NBAS: variants seen among roughly 807,000 people sequenced by gnomAD.
NBAS encodes the protein NBAS subunit of NRZ tethering complex, also known as NAG/BC035112 fusion.
In NBAS, 219 loss-of-function variants were observed where a neutral mutation model predicts 302.5. The ratio of observed to expected loss-of-function variants is 0.72; its 90% confidence interval spans 0.65 to 0.81. The LOEUF is 0.81. NBAS is among the 30% of genes least tolerant of loss of function. NBAS has a pLI of 0.00. For synonymous variants in NBAS, 1,118 were observed against 1,021.6 expected (o/e 1.09, Z -1.80); for missense variants, 2,932 against 2,841.6 (o/e 1.03, Z -0.72).
At chr2:15,477,541 C>T (rs560870740) in intron 13 of NBAS, among the ~76,000 whole-genome samples, 33 of 152,256 alleles carry the variant, frequency 2.2e-4, no homozygotes, top group African/African-American at 7.2e-4. Context: ...CAAGAGCCAC[C>T]GCGCCCGGCA....
the NBAS span, among the ~76,000 whole-genome samples, chr2:14,781,163 G>C: frequency 4.6e-5 from 7 of 152,210 alleles, no homozygotes; most frequent in Admixed American, 2.6e-4. Context: ...ACAGTTAGAA[G>C]ACGTATTTTA....
chr2:15,488,123 A>C (rs538062774), intron 12 of NBAS, among the ~76,000 whole-genome samples: 1 of 152,308 alleles, frequency 6.6e-6, no homozygotes, highest in African/African-American at 2.4e-5. Flanking sequence ...AAAATCTCAA[A>C]CCACCCACCC....
At chr2:14,990,338 C>T in the NBAS span, among the ~76,000 whole-genome samples, 1 of 150,894 alleles carries the variant, frequency 6.6e-6, no homozygotes. Context: ...GCAGGAGAAT[C>T]GATTGAACCT....
chr2:14,787,263 G>T, the NBAS span, among the ~76,000 whole-genome samples: 1 of 152,078 alleles, frequency 6.6e-6, no homozygotes, highest in Non-Finnish European at 1.5e-5. Flanking sequence ...GATGGGTCTT[G>T]ACTCTTTATC....
At chr2:15,448,479 C>G (rs901861048) in intron 21 of NBAS, among the ~76,000 whole-genome samples, 10 of 152,164 alleles carry the variant, frequency 6.6e-5, no homozygotes, top group African/African-American at 2.4e-4. Flanking sequence ...AATAACACAG[C>G]TAGCATGTAC....
At chr2:15,026,462 C>CAAAAAAAAAAAAAAAAAAAAAAAA in the NBAS span, among the ~76,000 whole-genome samples, 1 of 4,532 alleles carries the variant, frequency 2.2e-4, no homozygotes. Flanking sequence ...GACTCCGTCT[C>CAAAAAAAAAAAAAAAAAAAAAAAA]AAAAAAAAAA....
At chr2:14,930,609 C>T in the NBAS span, among the ~76,000 whole-genome samples, 1 of 152,198 alleles carries the variant, frequency 6.6e-6, no homozygotes. Flanking sequence ...AAGCCAGTTA[C>T]AGCCTTGTTG....
At chr2:15,118,480 T>C in the NBAS span, among the ~76,000 whole-genome samples, 1 of 152,204 alleles carries the variant, frequency 6.6e-6, no homozygotes, top group Non-Finnish European at 1.5e-5. Context: ...ACCTTGTATC[T>C]GAGCTGCCCT....
the NBAS span, among the ~76,000 whole-genome samples, chr2:15,112,095 A>C: frequency 6.6e-6 from 1 of 151,456 alleles, no homozygotes. Flanking sequence ...AAGGATAATA[A>C]AAGCACACCA....
chr2:15,464,171 T>C (rs533388944), intron 19 of NBAS, among the ~76,000 whole-genome samples: 3 of 152,308 alleles, frequency 2.0e-5, no homozygotes, highest in South Asian at 4.1e-4. Flanking sequence ...ACAATTCAAA[T>C]AGATAATTAG....
the NBAS span, among the ~76,000 whole-genome samples, chr2:14,812,232 G>T: frequency 6.6e-5 from 10 of 152,286 alleles, no homozygotes; most frequent in African/African-American, 2.4e-4. Flanking sequence ...TTACAAGAAG[G>T]GGCATCACAG....
rs376695482 is a variant in NBAS, at chr2:15,374,639, T to C, written c.3672A>G (p.Glu1224=). ...AAGGCAGGATCTTTACCCCAAATTC[T>C]TCAAGACATCCAACGGCTTGGATAA... ...LDLIQAVGCL[E]EFGVKILPLQ... The change falls in exon 31 of 52, where the codon GAA becomes GAG. Residue 1224 remains glutamate, a synonymous_variant. Transcript: ENST00000281513. The C allele has an allele frequency of 1.3e-5, 21 of 1,613,846 alleles. No homozygotes were observed. Among genetic ancestry groups the C allele is most frequent in the Non-Finnish European group, 1.6e-5 (19 of 1,179,870 alleles).
In NBAS at chr2:15,467,745, G is replaced by C; in HGVS notation, c.1937C>G (p.Pro646Arg). Reference sequence around the variant, plus strand: ...TTTATTCTTGGCAGGCTCTTCATCAGGTGGTGAAAGCTCTTCATAGGAGAT... The same window carrying C: ...TTTATTCTTGGCAGGCTCTTCATCACGTGGTGAAAGCTCTTCATAGGAGAT... ...DSISYEELSP[P>R]DEEPAKNKKE... Residue 646 changes from proline (P) to arginine (R), a missense_variant, in exon 18 of 52, where the codon CCT (proline) becomes CGT (arginine). Physicochemically the swap from Pro to Arg is moderately radical, Grantham distance 103 (BLOSUM62 -2). Transcript: ENST00000281513. 1 of 1,604,124 alleles carries C rather than the reference G, an allele frequency of 6.2e-7. No individual in the cohort carries two copies. The highest frequency in any genetic ancestry group is 8.5e-7 in the Non-Finnish European group (1 of 1,171,216).
the NBAS span, among the ~76,000 whole-genome samples, chr2:15,147,016 G>A: frequency 6.6e-6 from 1 of 152,172 alleles, no homozygotes; most frequent in Non-Finnish European, 1.5e-5. Context: ...CCTGCCACAG[G>A]TTCTCAGTAA....
the NBAS span, among the ~76,000 whole-genome samples, chr2:15,038,647 G>A: frequency 7.9e-4 from 121 of 152,236 alleles, no homozygotes; most frequent in African/African-American, 2.7e-3. Flanking sequence ...GATGTCAGGT[G>A]GGTTTGCAGA....
At chr2:15,049,478 T>C in the NBAS span, among the ~76,000 whole-genome samples, 1 of 152,176 alleles carries the variant, frequency 6.6e-6, no homozygotes, top group African/African-American at 2.4e-5. Context: ...GGCCTCCTGA[T>C]GTGGCCCTTC....
At chr2:14,802,005 G>A in the NBAS span, among the ~76,000 whole-genome samples, 3 of 146,930 alleles carry the variant, frequency 2.0e-5, no homozygotes, top group African/African-American at 7.6e-5. Flanking sequence ...TTCTTTTGCT[G>A]TGCAGAAGCT....
chr2:14,836,195 T>C, the NBAS span, among the ~76,000 whole-genome samples: 1 of 151,948 alleles, frequency 6.6e-6, no homozygotes, highest in Non-Finnish European at 1.5e-5. Flanking sequence ...CTGTAAGAGG[T>C]TTTTGTTATT....
chr2:15,172,533 C>T (rs1194130999), intron 51 of NBAS, among the ~76,000 whole-genome samples: 1 of 152,102 alleles, frequency 6.6e-6, no homozygotes, highest in Non-Finnish European at 1.5e-5. Context: ...CTTTAAAACT[C>T]AGAACTTACA....
Sources: gnomAD v4.1 joint callset for allele counts (sites outside exome capture counted in the v4.1 genomes callset) on GRCh38, gnomAD v4.1.1 for gene constraint, MANE v1.5 for transcripts, NCBI Gene and HGNC (gene_info 2026-07-23, HGNC 2026-07-21) for gene names.